TNFRSF19: variants seen among roughly 807,000 people sequenced by gnomAD.
TNFRSF19 encodes the protein TNF receptor superfamily member 19.
In TNFRSF19, 27 loss-of-function variants were observed where a neutral mutation model predicts 46.4. The observed-to-expected ratio is 0.58, with a 90% confidence interval of 0.43 to 0.80. TNFRSF19 has a LOEUF of 0.80. TNFRSF19 is among the 30% of genes least tolerant of loss of function. TNFRSF19 has a pLI of 0.00. For missense variants in TNFRSF19, 511 were observed against 530.8 expected, an observed-to-expected ratio of 0.96 and a Z score of 0.37; for synonymous variants, 204 against 205.0, an observed-to-expected ratio of 1.00 and a Z score of 0.04.
chr13:23,624,816 TC>T (rs1881885205), intron 4 of TNFRSF19, among the ~76,000 whole-genome samples: 1 of 151,830 alleles, frequency 6.6e-6, no homozygotes, highest in Non-Finnish European at 1.5e-5. Context: ...AATGGCGCGA[TC>T]TTGGCTCACT....
At position 23,668,995 on chromosome 13, in the gene TNFRSF19, A is replaced by G; in HGVS notation, c.1143A>G (p.Thr381=). Residue 381 remains threonine, a synonymous_variant, in exon 9 of 10, where the codon ACA becomes ACG. Transcript: ENST00000248484. ...CTGATTTATCTAGATATAACAACAC[A>G]CTGGTAGAATCAGCATCAACTCAGG... The part of the protein sequence containing the change: ...AATDLSRYNN[T]LVESASTQDA... 2 of 1,614,186 alleles carry G rather than the reference A, an allele frequency of 1.2e-6. No homozygotes were observed. Among genetic ancestry groups the G allele is most frequent in the South Asian group, 2.2e-5 (2 of 91,080 alleles).
At chr13:23,619,706 C>T (rs1881529560) in intron 4 of TNFRSF19, among the ~76,000 whole-genome samples, 1 of 152,202 alleles carries the variant, frequency 6.6e-6, no homozygotes, top group Non-Finnish European at 1.5e-5. Context: ...CTCCAGTTCC[C>T]TGATAAAAGC....
intron 3 of TNFRSF19, among the ~76,000 whole-genome samples, chr13:23,614,100 C>G (rs1406252238): frequency 6.6e-6 from 1 of 152,138 alleles, no homozygotes; most frequent in South Asian, 2.1e-4. Context: ...GTTTGTCTCC[C>G]CCCTCCTCTC....
intron 7 of TNFRSF19, among the ~76,000 whole-genome samples, chr13:23,667,211 A>T (rs1002818116): frequency 3.3e-5 from 5 of 151,794 alleles, no homozygotes; most frequent in African/African-American, 1.2e-4. Flanking sequence ...AGCTTATAGG[A>T]TTGAGAAGAT....
intron 9 of TNFRSF19, 131 bp downstream of exon 9, chr13:23,669,228 G>A: frequency 7.1e-7 from 1 of 1,417,974 alleles, no homozygotes; most frequent in Non-Finnish European, 9.1e-7. Context: ...CTTGTATGTT[G>A]TAGAGTATGT....
chr13:23,614,377 T>A (rs1208050047), intron 3 of TNFRSF19, among the ~76,000 whole-genome samples: 1 of 152,208 alleles, frequency 6.6e-6, no homozygotes, highest in Non-Finnish European at 1.5e-5. Context: ...TTCAAGTTGG[T>A]TTTCATTTAA....
At chr13:23,612,429 T>C (rs190398999) in intron 3 of TNFRSF19, among the ~76,000 whole-genome samples, 1 of 152,334 alleles carries the variant, frequency 6.6e-6, no homozygotes, top group Admixed American at 6.5e-5. Flanking sequence ...AGAGTCTGTG[T>C]TTAAGGTGCA....
intron 3 of TNFRSF19, among the ~76,000 whole-genome samples, chr13:23,609,758 C>A (rs1384488828): frequency 6.6e-6 from 1 of 152,138 alleles, no homozygotes; most frequent in African/African-American, 2.4e-5. Flanking sequence ...CTGTTTTTGT[C>A]TCTATGAGGA....
chr13:23,576,679 A>C (rs1271238096), intron 1 of TNFRSF19, among the ~76,000 whole-genome samples: 2 of 152,214 alleles, frequency 1.3e-5, no homozygotes, highest in African/African-American at 4.8e-5. Context: ...ATTACTTATA[A>C]TATCTAATAC....
At chr13:23,616,138 C>A in intron 4 of TNFRSF19, 93 bp downstream of exon 4, 1 of 1,292,884 alleles carries the variant, frequency 7.7e-7, no homozygotes, top group Non-Finnish European at 1.1e-6. Flanking sequence ...GGAATGCATG[C>A]TGGTATTAAC....
chr13:23,573,483 C>CTG (rs906363485), intron 1 of TNFRSF19, among the ~76,000 whole-genome samples: 9 of 146,684 alleles, frequency 6.1e-5, no homozygotes, highest in African/African-American at 2.4e-4. Flanking sequence ...GTGTGTTTGC[C>CTG]TCTGTGTGTG....
rs952724338 is a variant in TNFRSF19 at position 23,605,250 on chromosome 13, C to T, written c.181-10617C>T. On this transcript the variant is annotated intron_variant, in intron 3 of 9. Coordinates refer to ENST00000248484, the MANE Select transcript of TNFRSF19 (RefSeq NM_148957.4). The stretch of plus-strand genomic sequence containing the variant: ...GTCATCAGGGAAATGCAAATTTAAG[C>T]AACGCGATATCACCGTACACCTATT... 3.3e-5 allele frequency among the ~76,000 whole-genome samples: 5 copies of T among 152,086 alleles called. 1 individual carries two copies. In the South Asian group the frequency reaches 1.0e-3, roughly 32 times the overall value.
chr13:23,639,431 C>T (rs1029920003), intron 5 of TNFRSF19, among the ~76,000 whole-genome samples: 1 of 152,138 alleles, frequency 6.6e-6, no homozygotes, highest in Admixed American at 6.5e-5. Flanking sequence ...CATATAGCCC[C>T]CGTAGCAGGT....
chr13:23,627,232 T>C (rs1285333274), intron 5 of TNFRSF19, among the ~76,000 whole-genome samples: 1 of 152,200 alleles, frequency 6.6e-6, no homozygotes, highest in African/African-American at 2.4e-5. Flanking sequence ...GTGAGTCACC[T>C]GCCCTCACTG....
chr13:23,673,599 GACTCATGAT>G lies in TNFRSF19; in HGVS notation c.*224_*232del. 2 of 1,220,872 alleles carry G rather than the reference GACTCATGAT, an allele frequency of 1.6e-6. No individual in the cohort carries two copies. Among genetic ancestry groups the G allele is most frequent in the Non-Finnish European group, 2.1e-6 (2 of 973,024 alleles). 75.6% of individuals were successfully genotyped at this position (1,220,872 alleles called of 1,614,324 possible). The stretch of plus-strand genomic sequence containing the variant: ...GAATAACAAGAAAAGACTCCAGGCC[GACTCATGAT>G]ACTCTGCATCTTTCCTACATGAGAA... On this transcript the variant is annotated 3_prime_UTR_variant, in exon 10 of 10. Coordinates refer to ENST00000248484, the MANE Select transcript of TNFRSF19 (RefSeq NM_148957.4).
intron 1 of TNFRSF19, among the ~76,000 whole-genome samples, chr13:23,572,527 A>G (rs1053557762): frequency 3.3e-5 from 5 of 152,202 alleles, no homozygotes; most frequent in African/African-American, 4.8e-5. Flanking sequence ...TTATCCTGCT[A>G]CTAGGATCAT....
intron 5 of TNFRSF19, among the ~76,000 whole-genome samples, chr13:23,640,038 A>G (rs1423842224): frequency 6.6e-6 from 1 of 152,024 alleles, no homozygotes; most frequent in African/African-American, 2.4e-5. Context: ...CAGCATTGAC[A>G]CCTGACTAAG....
At chr13:23,614,221 T>A (rs1368262097) in intron 3 of TNFRSF19, among the ~76,000 whole-genome samples, 1 of 152,136 alleles carries the variant, frequency 6.6e-6, no homozygotes, top group Non-Finnish European at 1.5e-5. Flanking sequence ...CCGATGTACG[T>A]TTGAAAGACA....
intron 3 of TNFRSF19, among the ~76,000 whole-genome samples, chr13:23,615,303 C>T (rs922347766): frequency 6.6e-6 from 1 of 152,162 alleles, no homozygotes; most frequent in Non-Finnish European, 1.5e-5. Context: ...TTTGTCTCAA[C>T]AGGAAGTTAA....
Sources: allele counts gnomAD v4.1 joint callset (sites outside exome capture counted in the v4.1 genomes callset), GRCh38; gene constraint gnomAD v4.1.1; transcripts MANE v1.5; gene names NCBI Gene and HGNC (gene_info 2026-07-23, HGNC 2026-07-21).